The following DNAJC1 variants were observed in gnomAD, a reference collection of about 807,000 sequenced individuals.
DNAJC1 encodes the protein dnaJ homolog subfamily C member 1.
Under a neutral mutation model 76.6 loss-of-function variants are expected in DNAJC1, and 58 were observed. That is an observed-to-expected ratio of 0.76 (90% CI 0.61 to 0.94). The LOEUF (loss-of-function observed/expected upper bound fraction) is 0.94. Among genes scored for constraint, DNAJC1 ranks in the 40% least tolerant of loss-of-function variants. DNAJC1 has a pLI of 0.00. For synonymous variants in DNAJC1, 258 were observed against 267.9 expected, an observed-to-expected ratio of 0.96 and a Z score of 0.36; for missense variants, 689 against 677.3, an observed-to-expected ratio of 1.02 and a Z score of -0.19.
intron 9 of DNAJC1, among the ~76,000 whole-genome samples, chr10:21,783,134 T>C (rs1051247610): frequency 3.3e-5 from 5 of 152,164 alleles, no homozygotes; most frequent in African/African-American, 1.2e-4. Context: ...GATGACATGA[T>C]TGTATATTTA....
chr10:21,799,632 G>C (rs1834790832), intron 9 of DNAJC1, among the ~76,000 whole-genome samples: 1 of 151,790 alleles, frequency 6.6e-6, no homozygotes, highest in Admixed American at 6.6e-5. Flanking sequence ...TTTTACATAG[G>C]CATTTTTCCA....
At chr10:21,991,773 A>G (rs1438190684) in intron 1 of DNAJC1, among the ~76,000 whole-genome samples, 13 of 152,220 alleles carry the variant, frequency 8.5e-5, no homozygotes. Context: ...AGAAACCAAA[A>G]TTTTAATTAA....
intron 6 of DNAJC1, among the ~76,000 whole-genome samples, chr10:21,905,619 C>T (rs191268774): frequency 5.9e-5 from 9 of 152,282 alleles, no homozygotes; most frequent in African/African-American, 2.2e-4. Context: ...TATATTTAAA[C>T]ATGTCTATAA....
intron 1 of DNAJC1, among the ~76,000 whole-genome samples, chr10:21,929,649 T>C (rs1259074300): frequency 6.6e-6 from 1 of 152,162 alleles, no homozygotes; most frequent in East Asian, 1.9e-4. Flanking sequence ...CATGCCTATC[T>C]GAAGGGAGTT....
intron 4 of DNAJC1, 50 bp from the exon 5 acceptor site, chr10:21,919,979 T>C: frequency 3.5e-6 from 4 of 1,139,962 alleles, no homozygotes; most frequent in Non-Finnish European, 5.1e-6. Context: ...CATGTACACT[T>C]CAAATGTTAT....
intron 9 of DNAJC1, among the ~76,000 whole-genome samples, chr10:21,775,545 A>G (rs1361732396): frequency 6.6e-6 from 1 of 152,024 alleles, no homozygotes; most frequent in Non-Finnish European, 1.5e-5. Context: ...ACTCAGTAAG[A>G]TAGTAAGTCA....
intron 8 of DNAJC1, among the ~76,000 whole-genome samples, chr10:21,850,641 C>T (rs1480435608): frequency 6.6e-6 from 1 of 151,480 alleles, no homozygotes; most frequent in African/African-American, 2.4e-5. Context: ...AACAAAATCC[C>T]AATGACATGT....
intron 8 of DNAJC1, among the ~76,000 whole-genome samples, chr10:21,879,588 C>T (rs1020992060): frequency 2.0e-5 from 3 of 152,100 alleles, no homozygotes; most frequent in African/African-American, 7.2e-5. Context: ...CATGCCACTG[C>T]ACTCCAGCCT....
intron 8 of DNAJC1, among the ~76,000 whole-genome samples, chr10:21,881,055 G>C (rs1836267700): frequency 6.6e-6 from 1 of 152,182 alleles, no homozygotes; most frequent in South Asian, 2.1e-4. Context: ...TTATGTTATG[G>C]AGACAGCTGT....
At chr10:21,912,550 T>C (rs1317765460) in intron 6 of DNAJC1, among the ~76,000 whole-genome samples, 3 of 152,164 alleles carry the variant, frequency 2.0e-5, no homozygotes, top group Non-Finnish European at 2.9e-5. Flanking sequence ...TTTCAGCTTA[T>C]AAAAATTCAG....
intron 6 of DNAJC1, among the ~76,000 whole-genome samples, chr10:21,912,050 T>C (rs990990392): frequency 2.0e-5 from 3 of 152,182 alleles, no homozygotes; most frequent in Non-Finnish European, 2.9e-5. Context: ...AATCGATAAG[T>C]TGAGGAAAAT....
intron 6 of DNAJC1, among the ~76,000 whole-genome samples, chr10:21,910,304 G>A (rs1040605388): frequency 2.0e-5 from 3 of 151,832 alleles, no homozygotes; most frequent in East Asian, 3.9e-4. Flanking sequence ...TTAGTAAGAC[G>A]GCGTTTCACA....
chr10:21,839,950 C>A (rs997515003), intron 8 of DNAJC1, among the ~76,000 whole-genome samples: 8 of 152,232 alleles, frequency 5.3e-5, no homozygotes, highest in African/African-American at 1.9e-4. Flanking sequence ...GTTCAACATA[C>A]GCAAATCAAT....
chr10:21,953,529 C>T (rs1837629871), intron 1 of DNAJC1, among the ~76,000 whole-genome samples: 1 of 151,536 alleles, frequency 6.6e-6, no homozygotes, highest in South Asian at 2.1e-4. Flanking sequence ...TTGTAAAAAT[C>T]CATTCTGGAT....
intron 7 of DNAJC1, among the ~76,000 whole-genome samples, chr10:21,891,011 T>G (rs2131731008): frequency 6.6e-6 from 1 of 152,204 alleles, no homozygotes; most frequent in South Asian, 2.1e-4. Context: ...GTCAACATGA[T>G]GAAACCCTGT....
In DNAJC1 at chr10:21,835,969, C is replaced by G. The variant is rs559566703; in HGVS notation, c.979-29870G>C. ...GGCCACCATTCAAATTCAGGAAATA[C>G]AGAGAACACCACAAAGATACTCCTT... is the stretch of plus-strand genomic sequence containing the variant. On this transcript the variant is annotated intron_variant, in intron 8 of 11. Transcript: ENST00000376980. Among the ~76,000 whole-genome samples, 588 of 152,244 alleles carry G rather than the reference C, an allele frequency of 3.9e-3. 4 individuals carry two copies. The highest frequency in any genetic ancestry group is 0.013 in the African/African-American group (555 of 41,540).
chr10:21,813,244 A>G lies in DNAJC1; in HGVS notation c.979-7145T>C, dbSNP rs190798444. ...TCTATATATATATATATATATATATACACATACAGCTTCTGCCTTGCTCTT... is the reference window on the plus strand; with the variant it reads ...TCTATATATATATATATATATATATGCACATACAGCTTCTGCCTTGCTCTT... On this transcript the variant is annotated intron_variant, in intron 8 of 11. Coordinates refer to ENST00000376980, the MANE Select transcript of DNAJC1 (RefSeq NM_022365.4). Among the ~76,000 whole-genome samples, 512 of 122,760 alleles carry G rather than the reference A, an allele frequency of 4.2e-3. 1 individual carries two copies. Among genetic ancestry groups the G allele is most frequent in the African/African-American group, 0.015 (378 of 24,646 alleles). 80.5% of individuals were successfully genotyped at this position (122,760 alleles called of 152,430 possible). A position where few individuals can be genotyped will look rare whatever the true frequency, so the allele number is the denominator to read the frequency against.
chr10:21,992,290 G>A (rs1040469801), intron 1 of DNAJC1, among the ~76,000 whole-genome samples: 20 of 152,102 alleles, frequency 1.3e-4, no homozygotes, highest in Admixed American at 5.9e-4. Context: ...CAGCCTGGGC[G>A]ACAGAACGAG....
chr10:21,886,935 G>A (rs1836375519), intron 7 of DNAJC1, among the ~76,000 whole-genome samples: 2 of 152,094 alleles, frequency 1.3e-5, no homozygotes, highest in African/African-American at 4.8e-5. Flanking sequence ...CAAATAAAAA[G>A]AGAGGAAGCC....
Sources: gnomAD v4.1 joint callset for allele counts (sites outside exome capture counted in the v4.1 genomes callset) on GRCh38, gnomAD v4.1.1 for gene constraint, MANE v1.5 for transcripts, NCBI Gene and HGNC (gene_info 2026-07-23, HGNC 2026-07-21) for gene names.